The following RICTOR variants were observed in gnomAD, a reference collection of about 807,000 sequenced individuals.
RICTOR encodes the protein rapamycin-insensitive companion of mTOR.
In RICTOR, 49 loss-of-function variants were observed where a neutral mutation model predicts 214.9. That is an observed-to-expected ratio of 0.23 (90% CI 0.18 to 0.29). RICTOR has a LOEUF of 0.29. Among genes scored for constraint, RICTOR ranks in the 10% least tolerant of loss-of-function variants. The pLI, the probability that RICTOR is intolerant of heterozygous loss-of-function variation, is 1.00. For missense variants in RICTOR, 1,625 were observed against 2,047.0 expected (o/e 0.79, Z 3.98); for synonymous variants, 717 against 711.3 (o/e 1.01, Z -0.13).
chr5:39,059,929 A>G (rs1269061541), intron 2 of RICTOR, among the ~76,000 whole-genome samples: 1 of 152,120 alleles, frequency 6.6e-6, no homozygotes, highest in African/African-American at 2.4e-5. Context: ...CAGAAAAGGC[A>G]ACTTGTCCAG....
At chr5:38,951,439 T>G (rs1287570928) in intron 30 of RICTOR, among the ~76,000 whole-genome samples, 1 of 152,066 alleles carries the variant, frequency 6.6e-6, no homozygotes, top group African/African-American at 2.4e-5. Flanking sequence ...AATTCTAAGA[T>G]GCACACTTTT....
chr5:39,066,627 A>G (rs1758923264), intron 2 of RICTOR, among the ~76,000 whole-genome samples: 1 of 152,322 alleles, frequency 6.6e-6, no homozygotes, highest in African/African-American at 2.4e-5. Context: ...TTTAAAAACA[A>G]ATTCCAACTT....
chr5:39,070,888 T>C (rs998179005), intron 2 of RICTOR, among the ~76,000 whole-genome samples: 2 of 152,200 alleles, frequency 1.3e-5, no homozygotes, highest in Non-Finnish European at 1.5e-5. Flanking sequence ...TATTTAATAA[T>C]ATCATTAGCA....
intron 26 of RICTOR, 40 bp downstream of exon 26, chr5:38,955,555 T>C: frequency 9.7e-7 from 1 of 1,027,796 alleles, no homozygotes; most frequent in Non-Finnish European, 1.5e-6. Context: ...AAAAATAATT[T>C]ATGATGAACT....
intron 27 of RICTOR, among the ~76,000 whole-genome samples, chr5:38,954,366 A>G (rs1267442430): frequency 2.6e-5 from 4 of 151,898 alleles, no homozygotes. Flanking sequence ...GCAACTTTCA[A>G]TTTATTGCTC....
intron 2 of RICTOR, among the ~76,000 whole-genome samples, chr5:39,041,818 C>T (rs1421310429): frequency 6.6e-6 from 1 of 151,564 alleles, no homozygotes; most frequent in Non-Finnish European, 1.5e-5. Context: ...TTATATTAGT[C>T]AGGCATGGCT....
At chr5:38,970,310 C>T (rs931022022) in intron 11 of RICTOR, 1 of 152,222 alleles carries the variant, frequency 6.6e-6, no homozygotes, top group African/African-American at 2.4e-5. Context: ...CTTACTACTA[C>T]ATACATCACT....
At chr5:39,031,799 TTA>T (rs1756293748) in intron 2 of RICTOR, among the ~76,000 whole-genome samples, 1 of 152,130 alleles carries the variant, frequency 6.6e-6, no homozygotes. Context: ...TGATATGGAA[TTA>T]TGTCTTTAAT....
intron 2 of RICTOR, among the ~76,000 whole-genome samples, chr5:39,044,136 C>A (rs1757337005): frequency 6.6e-6 from 1 of 152,044 alleles, no homozygotes; most frequent in Non-Finnish European, 1.5e-5. Context: ...TCAATTAAAA[C>A]CAAAATATTT....
intron 6 of RICTOR, among the ~76,000 whole-genome samples, chr5:38,992,272 G>A (rs1016667778): frequency 3.3e-5 from 5 of 152,110 alleles, no homozygotes; most frequent in Non-Finnish European, 7.4e-5. Flanking sequence ...AAAGGGAGAA[G>A]GAAGGAGGTA....
chr5:38,999,841 C>T (rs974931584), intron 5 of RICTOR, among the ~76,000 whole-genome samples: 3 of 151,070 alleles, frequency 2.0e-5, no homozygotes, highest in Admixed American at 6.6e-5. Context: ...TTGGTCAAAC[C>T]AGATATAAAA....
chr5:39,036,073 C>T (rs912565869), intron 2 of RICTOR, among the ~76,000 whole-genome samples: 4 of 152,204 alleles, frequency 2.6e-5, no homozygotes, highest in East Asian at 1.9e-4. Flanking sequence ...AGAGAAAGGT[C>T]GGGTTACCCA....
intron 2 of RICTOR, among the ~76,000 whole-genome samples, chr5:39,065,193 CT>C (rs1163400666): frequency 6.6e-6 from 1 of 152,140 alleles, no homozygotes; most frequent in Non-Finnish European, 1.5e-5. Flanking sequence ...CTTCAGGAAG[CT>C]TTTACTCATA....
At chr5:38,988,576 T>A (rs1752346925) in intron 7 of RICTOR, among the ~76,000 whole-genome samples, 2 of 152,158 alleles carry the variant, frequency 1.3e-5, no homozygotes, top group African/African-American at 2.4e-5. Context: ...ATTTTGAGCT[T>A]ATGTGTGTCT....
Position 38,962,502 on chromosome 5 carries a change from T to G in RICTOR, c.1651A>C (p.Ile551Leu). 1 of 1,562,162 alleles carries G rather than the reference T, an allele frequency of 6.4e-7. No homozygotes were observed. The highest frequency in any genetic ancestry group is 2.3e-5 in the East Asian group (1 of 44,242). ...TTTCATACCTTAAGAATGGTCCCTATAAGATTCCAATTCCATTCAAGATTC... is the reference window on the plus strand; with the variant it reads ...TTTCATACCTTAAGAATGGTCCCTAGAAGATTCCAATTCCATTCAAGATTC... The part of the protein sequence containing the change: ...KENLEWNWNL[I>L]GTILKWPNVN... The change falls in exon 18 of 38, where the codon ATA becomes CTA. Residue 551 changes from isoleucine (I) to leucine (L), a missense_variant. Around this residue, in one of 5 missense-constraint regions of RICTOR, gnomAD observed 1,214 missense variants for 1,470.5 expected, o/e 0.83. Coordinates refer to ENST00000357387, the MANE Select transcript of RICTOR (RefSeq NM_152756.5).
chr5:38,976,802 T>A (rs999130116), intron 9 of RICTOR, among the ~76,000 whole-genome samples: 1 of 152,202 alleles, frequency 6.6e-6, no homozygotes, highest in Non-Finnish European at 1.5e-5. Context: ...TCTGATGGAA[T>A]AGCCCCACCC....
intron 2 of RICTOR, 148 bp from the exon 3 acceptor site, chr5:39,021,284 C>G: frequency 1.6e-6 from 1 of 627,814 alleles, no homozygotes; most frequent in African/African-American, 1.8e-5. Flanking sequence ...TAAATGACTT[C>G]AAAGTCTGTG....
intron 36 of RICTOR, 21 bp downstream of exon 36, chr5:38,944,425 T>C (rs757392504): frequency 6.3e-7 from 1 of 1,587,538 alleles, no homozygotes. Flanking sequence ...CAAATAATAC[T>C]CATGCACATA....
chr5:39,010,572 T>C (rs1754430019), intron 3 of RICTOR, among the ~76,000 whole-genome samples: 1 of 152,216 alleles, frequency 6.6e-6, no homozygotes. Context: ...TGAATGGCTT[T>C]GACCAAATTG....
Sources: allele counts gnomAD v4.1 joint callset (sites outside exome capture counted in the v4.1 genomes callset), GRCh38; gene constraint gnomAD v4.1.1; regional missense constraint gnomAD v4.1.1; transcripts MANE v1.5; gene names NCBI Gene and HGNC (gene_info 2026-07-23, HGNC 2026-07-21).